The following MAP2 variants were observed in gnomAD, a reference collection of about 807,000 sequenced individuals.
MAP2 encodes the protein microtubule associated protein 2, also known as microtubule-associated protein 2.
A neutral mutation model predicts 137.6 loss-of-function variants in MAP2; 14 were observed. The observed-to-expected ratio is 0.10, with a 90% confidence interval of 0.07 to 0.16. MAP2 has a LOEUF of 0.16. Among genes scored for constraint, MAP2 ranks in the 10% least tolerant of loss-of-function variants. The probability of loss-of-function intolerance (pLI) is 1.00; values close to 1 mark genes in which losing one functional copy is unlikely to be tolerated. For synonymous variants in MAP2, 786 were observed against 782.3 expected, an observed-to-expected ratio of 1.00 and a Z score of -0.08; for missense variants, 2,088 against 2,191.5, an observed-to-expected ratio of 0.95 and a Z score of 0.94.
intron 2 of MAP2, among the ~76,000 whole-genome samples, chr2:209,535,061 T>G (rs188389499): frequency 2.0e-5 from 3 of 152,214 alleles, no homozygotes; most frequent in African/African-American, 7.2e-5. Context: ...GGCTACTACC[T>G]CCCCACCCTT....
chr2:209,503,475 C>A (rs1387719926), intron 1 of MAP2, among the ~76,000 whole-genome samples: 2 of 152,060 alleles, frequency 1.3e-5, no homozygotes, highest in Non-Finnish European at 2.9e-5. Flanking sequence ...TTCAAAAAAT[C>A]ATTGCCAAAG....
intron 2 of MAP2, among the ~76,000 whole-genome samples, chr2:209,561,460 C>T (rs76749849): frequency 0.02 from 2,998 of 152,278 alleles, 94 homozygotes; most frequent in African/African-American, 0.068. Flanking sequence ...GAAGGTTCTT[C>T]AGTTTCTAGC....
chr2:209,597,016 C>T (rs1416607273), intron 3 of MAP2, among the ~76,000 whole-genome samples: 1 of 152,108 alleles, frequency 6.6e-6, no homozygotes, highest in Non-Finnish European at 1.5e-5. Flanking sequence ...CTAGCTGTGA[C>T]CATATGACTA....
chr2:209,597,415 C>T (rs1221755236), intron 3 of MAP2, among the ~76,000 whole-genome samples: 1 of 152,156 alleles, frequency 6.6e-6, no homozygotes, highest in Non-Finnish European at 1.5e-5. Flanking sequence ...CACTTTCTAA[C>T]CAGTCTTCAA....
intron 2 of MAP2, among the ~76,000 whole-genome samples, chr2:209,556,408 G>C (rs1367929428): frequency 6.6e-6 from 1 of 152,048 alleles, no homozygotes; most frequent in African/African-American, 2.4e-5. Context: ...CCTTAGACAA[G>C]TTATTTCATT....
At chr2:209,509,890 A>C (rs1315741567) in intron 2 of MAP2, among the ~76,000 whole-genome samples, 3 of 151,910 alleles carry the variant, frequency 2.0e-5, no homozygotes, top group African/African-American at 7.2e-5. Flanking sequence ...AAATTAAGTG[A>C]TGCTATAGTT....
intron 1 of MAP2, among the ~76,000 whole-genome samples, chr2:209,425,784 T>C (rs1692399860): frequency 6.6e-6 from 1 of 152,230 alleles, no homozygotes; most frequent in Non-Finnish European, 1.5e-5. Context: ...ATGATTTTTT[T>C]TGGCAGTCAA....
intron 1 of MAP2, among the ~76,000 whole-genome samples, chr2:209,467,792 AG>A (rs887190771): frequency 1.3e-5 from 2 of 152,194 alleles, no homozygotes; most frequent in African/African-American, 4.8e-5. Context: ...ATTAGCCATA[AG>A]ACCATGTGCA....
chr2:209,439,465 G>T (rs1295728672), intron 1 of MAP2, among the ~76,000 whole-genome samples: 1 of 151,358 alleles, frequency 6.6e-6, no homozygotes, highest in African/African-American at 2.4e-5. Context: ...GACTTTCTTG[G>T]CCCTTGTTTC....
chr2:209,537,839 T>C (rs1214428079), intron 2 of MAP2, among the ~76,000 whole-genome samples: 1 of 152,246 alleles, frequency 6.6e-6, no homozygotes, highest in East Asian at 1.9e-4. Flanking sequence ...AGCATTGCTA[T>C]GTTAATTTCC....
At chr2:209,618,334 A>G (rs549777108) in intron 3 of MAP2, among the ~76,000 whole-genome samples, 1 of 152,304 alleles carries the variant, frequency 6.6e-6, no homozygotes, top group Non-Finnish European at 1.5e-5. Flanking sequence ...GTAACAGTAG[A>G]AAGTTCAGGA....
intron 2 of MAP2, among the ~76,000 whole-genome samples, chr2:209,526,215 G>A (rs528452880): frequency 6.6e-6 from 1 of 152,162 alleles, no homozygotes; most frequent in Non-Finnish European, 1.5e-5. Context: ...ATTCTTTTGA[G>A]CATAGTCAGC....
chr2:209,502,244 C>T (rs1271803434), intron 1 of MAP2, among the ~76,000 whole-genome samples: 1 of 152,088 alleles, frequency 6.6e-6, no homozygotes, highest in Non-Finnish European at 1.5e-5. Flanking sequence ...CTAACATGTC[C>T]TCATTTCGCC....
chr2:209,679,203 G>A (rs1319505598), intron 6 of MAP2, among the ~76,000 whole-genome samples: 2 of 151,948 alleles, frequency 1.3e-5, no homozygotes, highest in African/African-American at 2.4e-5. Context: ...ATCTAAGGGC[G>A]CTGAGAGAGT....
chr2:209,429,632 A>G (rs1276050232), intron 1 of MAP2, among the ~76,000 whole-genome samples: 2 of 152,234 alleles, frequency 1.3e-5, no homozygotes, highest in Non-Finnish European at 2.9e-5. Flanking sequence ...GTGCTTGAAT[A>G]TCATGAGATA....
intron 2 of MAP2, among the ~76,000 whole-genome samples, chr2:209,545,005 T>C (rs908456230): frequency 1.3e-5 from 2 of 152,156 alleles, no homozygotes; most frequent in Non-Finnish European, 2.9e-5. Flanking sequence ...GAGATTCAGA[T>C]AAAATGGAAT....
intron 2 of MAP2, among the ~76,000 whole-genome samples, chr2:209,536,254 G>A (rs1376926016): frequency 2.6e-5 from 4 of 152,186 alleles, no homozygotes; most frequent in South Asian, 4.1e-4. Flanking sequence ...AAAATAATAA[G>A]CAAAATGATG....
chr2:209,714,643 A>G (rs1164614772), intron 13 of MAP2, among the ~76,000 whole-genome samples: 1 of 152,214 alleles, frequency 6.6e-6, no homozygotes, highest in African/African-American at 2.4e-5. Flanking sequence ...AAATAAAGCA[A>G]TCTTAGTTTC....
In MAP2 at chr2:209,609,598, T is replaced by A. The variant is rs376981253; in HGVS notation, c.-106-15455T>A. Reference sequence around the variant, plus strand: ...AAGTAATACAATAGGTGGTCTTTTGTAGAAGGCTTCTTTCACTTAGCATCG... The same window carrying A: ...AAGTAATACAATAGGTGGTCTTTTGAAGAAGGCTTCTTTCACTTAGCATCG... On this transcript the variant is annotated intron_variant, in intron 3 of 15. Coordinates refer to ENST00000682079, the MANE Select transcript of MAP2 (RefSeq NM_001375505.1). Among the ~76,000 whole-genome samples, 8 of 152,314 alleles carry A rather than the reference T, an allele frequency of 5.3e-5. No homozygotes were observed. The East Asian group carries it at 1.5e-3, about 29-fold the overall frequency.
Sources: allele counts gnomAD v4.1 joint callset (sites outside exome capture counted in the v4.1 genomes callset), GRCh38; gene constraint gnomAD v4.1.1; transcripts MANE v1.5; gene names NCBI Gene and HGNC (gene_info 2026-07-23, HGNC 2026-07-21).